The following MYO1H variants were observed in gnomAD, a reference collection of about 807,000 sequenced individuals.
MYO1H encodes unconventional myosin-Ih.
Under a neutral mutation model 149.3 loss-of-function variants are expected in MYO1H, and 118 were observed. The observed-to-expected ratio is 0.79, with a 90% CI of 0.68 to 0.92. MYO1H has a LOEUF of 0.92. Ranked by LOEUF, MYO1H falls within the 40% of genes least tolerant of loss-of-function variation. The pLI is 0.00. For missense variants in MYO1H, 1,212 were observed against 1,280.7 expected (o/e 0.95, Z 0.82); for synonymous variants, 447 against 465.2 (o/e 0.96, Z 0.50).
chr12:109,311,810 C>A, the MYO1H span, among the ~76,000 whole-genome samples: 9 of 152,124 alleles, frequency 5.9e-5, no homozygotes, highest in African/African-American at 2.2e-4. Context: ...TCTACGAGGC[C>A]CAACACAAAC....
At chr12:109,389,704 T>G (rs979590236) in intron 2 of MYO1H, among the ~76,000 whole-genome samples, 1 of 152,210 alleles carries the variant, frequency 6.6e-6, no homozygotes, top group African/African-American at 2.4e-5. Context: ...TAGGGTAAAC[T>G]TCATAGTGTC....
intron 28 of MYO1H, 159 bp downstream of exon 28, chr12:109,443,808 C>G: frequency 1.3e-6 from 1 of 751,518 alleles, no homozygotes; most frequent in Non-Finnish European, 2.1e-6. Context: ...AAGGCTGAGG[C>G]AGGAGGATCA....
At chr12:109,410,181 G>A (rs567345954) in intron 12 of MYO1H, 113 bp downstream of exon 12, 24 of 530,148 alleles carry the variant, frequency 4.5e-5, no homozygotes, top group East Asian at 2.2e-4. Flanking sequence ...TCACTCTGTC[G>A]CCCAGGCTGG....
rs1871323236 is a variant in MYO1H, at chr12:109,425,557, G to A, written c.1726-389G>A. ...TACAATCTAGTGGGAGAGAGTATAA[G>A]AAAATACCATCAAATAAAGAAGTTA... On this transcript the variant is annotated intron_variant, in intron 17 of 31. Coordinates refer to ENST00000310903, the Ensembl canonical transcript of MYO1H. Among the ~76,000 whole-genome samples the A allele has an allele frequency of 1.3e-5, 2 of 152,260 alleles. 1 individual carries two copies. Among genetic ancestry groups the A allele is most frequent in the Non-Finnish European group, 2.9e-5 (2 of 68,024 alleles).
chr12:109,393,505 C>G (rs1218206492), intron 3 of MYO1H, 59 bp downstream of exon 3: 2 of 795,958 alleles, frequency 2.5e-6, no homozygotes, highest in Admixed American at 3.0e-5. Flanking sequence ...CTTCCTCTCT[C>G]TCCTTCCTTC....
At chr12:109,375,091 G>A (rs1167856831) in intron 1 of MYO1H, among the ~76,000 whole-genome samples, 2 of 151,546 alleles carry the variant, frequency 1.3e-5, no homozygotes, top group Non-Finnish European at 1.5e-5. Flanking sequence ...CTGACCTAAG[G>A]TGATCCACCT....
rs1448426787 is a variant in MYO1H at position 109,441,496 on chromosome 12, G to A, written c.2539-119G>A. ...AAGGTGTTCTGACTTGTATGCTCCA[G>A]GGTAACAAGGCTCCCACAGTTTATC... On this transcript the variant is annotated intron_variant, in intron 25 of 31. Transcript: ENST00000310903. 6.6e-6 allele frequency: 4 copies of A among 608,584 alleles called. No homozygotes were observed. In the African/African-American group the frequency reaches 7.6e-5, roughly 12 times the overall value. The allele number at this position is 608,584 out of a possible 1,614,324, so 37.7% of individuals were successfully genotyped here. A position where few individuals can be genotyped will look rare whatever the true frequency, so the allele number is the denominator to read the frequency against.
intron 1 of MYO1H, among the ~76,000 whole-genome samples, chr12:109,366,900 C>T (rs949113962): frequency 6.6e-6 from 1 of 152,144 alleles, no homozygotes; most frequent in African/African-American, 2.4e-5. Flanking sequence ...TATGAGTGCC[C>T]ACTTGATGCT....
rs114142204 is a variant in MYO1H at position 109,387,463 on chromosome 12, A to T, written c.13-1220A>T. Among the ~76,000 whole-genome samples, 952 of 152,242 alleles carry T rather than the reference A, an allele frequency of 6.3e-3. 13 individuals carry two copies. Among genetic ancestry groups the T allele is most frequent in the African/African-American group, 0.022 (911 of 41,534 alleles). On this transcript the variant is annotated intron_variant, in intron 1 of 31. Coordinates refer to ENST00000310903, the Ensembl canonical transcript of MYO1H. ...GTCAATTTATTGCCTCTCAGATCCAAATTCACCCTTCATTACCTGCTGAGC... is the reference window on the plus strand; with the variant it reads ...GTCAATTTATTGCCTCTCAGATCCATATTCACCCTTCATTACCTGCTGAGC...
chr12:109,312,149 T>C, the MYO1H span, among the ~76,000 whole-genome samples: 2 of 151,986 alleles, frequency 1.3e-5, no homozygotes, highest in African/African-American at 2.4e-5. Flanking sequence ...GGATTAAGAG[T>C]ATTAACTCAC....
intron 1 of MYO1H, among the ~76,000 whole-genome samples, chr12:109,351,692 C>T (rs1868463932): frequency 6.6e-6 from 1 of 152,136 alleles, no homozygotes; most frequent in Admixed American, 6.6e-5. Context: ...GAAGAAAGCC[C>T]CCATGGCTAG....
At chr12:109,315,140 G>T in the MYO1H span, among the ~76,000 whole-genome samples, 2 of 152,004 alleles carry the variant, frequency 1.3e-5, no homozygotes, top group Admixed American at 6.6e-5. Context: ...CTTGTCTTCT[G>T]CCCTGAATCC....
intron 1 of MYO1H, among the ~76,000 whole-genome samples, chr12:109,359,705 A>G (rs560400474): frequency 6.6e-6 from 1 of 152,276 alleles, no homozygotes; most frequent in South Asian, 2.1e-4. Context: ...AAAATGTTTT[A>G]TTTTGCGCAC....
chr12:109,432,320 C>T (rs74730355), intron 19 of MYO1H, among the ~76,000 whole-genome samples: 10,120 of 151,816 alleles, frequency 0.067, 374 homozygotes, highest in Middle Eastern at 0.11. Context: ...TAAGTAGAGA[C>T]GGGGTCTGCC....
chr12:109,315,990 G>A, the MYO1H span, among the ~76,000 whole-genome samples: 1 of 151,792 alleles, frequency 6.6e-6, no homozygotes, highest in East Asian at 1.9e-4. Context: ...CTTTCTTTAG[G>A]TTTGATTTCA....
chr12:109,370,101 G>A (rs1012905769), intron 1 of MYO1H, among the ~76,000 whole-genome samples: 1 of 152,128 alleles, frequency 6.6e-6, no homozygotes, highest in Admixed American at 6.5e-5. Flanking sequence ...CATGACACAT[G>A]GGAATTGTGG....
Position 109,406,137 on chromosome 12 carries a change from G to C in MYO1H, c.963+102G>C. 3 of 735,466 alleles carry C rather than the reference G, an allele frequency of 4.1e-6. No individual in the cohort carries two copies. In the South Asian group the frequency reaches 5.2e-5, roughly 13 times the overall value. 45.6% of individuals were successfully genotyped at this position (735,466 alleles called of 1,614,324 possible). ...GTTAGGCCCAAATATCTGGTGCCGT[G>C]CTGTTTTGGCTGATATTGGTTAGGA... On this transcript the variant is annotated intron_variant, in intron 8 of 31. Transcript: ENST00000310903.
chr12:109,344,762 C>T (rs374681663), upstream of MYO1H, among the ~76,000 whole-genome samples: 81 of 152,176 alleles, frequency 5.3e-4, no homozygotes, highest in African/African-American at 1.7e-3. Context: ...CTGTGAGGTA[C>T]GGCCATAAAG....
chr12:109,318,001 G>C, the MYO1H span, among the ~76,000 whole-genome samples: 5 of 152,168 alleles, frequency 3.3e-5, no homozygotes, highest in African/African-American at 1.2e-4. Context: ...ATGACATTAT[G>C]CAGCAAGATT....
Sources: allele counts gnomAD v4.1 joint callset (sites outside exome capture counted in the v4.1 genomes callset), GRCh38; gene constraint gnomAD v4.1.1; transcripts MANE v1.5; gene names NCBI Gene and HGNC (gene_info 2026-07-23, HGNC 2026-07-21).